The following LAMA3 variants were observed in gnomAD, a reference collection of about 807,000 sequenced individuals.
LAMA3 encodes the protein laminin subunit alpha 3, also known as laminin subunit alpha-3.
LAMA3 carries 281 observed loss-of-function variants against 402.0 expected under a neutral mutation model. The observed-to-expected ratio is 0.70, with a 90% CI of 0.63 to 0.77. The LOEUF is 0.77. LAMA3 is among the 30% of genes least tolerant of loss of function. LAMA3 has a pLI of 0.00. For synonymous variants in LAMA3, 1,431 were observed against 1,558.4 expected (o/e 0.92, Z 1.93); for missense variants, 3,840 against 4,215.5 (o/e 0.91, Z 2.47).
chr18:23,863,542 G>A (rs1005447302), intron 35 of LAMA3, among the ~76,000 whole-genome samples: 2 of 152,194 alleles, frequency 1.3e-5, no homozygotes, highest in Non-Finnish European at 2.9e-5. Context: ...ACCACTTTAA[G>A]CCCATCAAAA....
In LAMA3 at chr18:23,713,952, C is replaced by T; in HGVS notation, c.327C>T (p.Asp109=). 1 of 1,613,396 alleles carries T rather than the reference C, an allele frequency of 6.2e-7. No homozygotes were observed. The highest frequency in any genetic ancestry group is 8.5e-7 in the Non-Finnish European group (1 of 1,179,866). The change falls in exon 2 of 75, where the codon GAC becomes GAT. Residue 109 remains aspartate, a synonymous_variant. Coordinates refer to ENST00000313654, the MANE Select transcript of LAMA3 (RefSeq NM_198129.4). ...TCTGTGACTATTGCAATTCTGAAGA[C>T]CCCAGGAAAGCACATCCTGTCACCA... ...GQFCDYCNSE[D]PRKAHPVTNA...
At chr18:23,748,126 T>C in intron 3 of LAMA3, 66 bp downstream of exon 3, 1 of 996,206 alleles carries the variant, frequency 1.0e-6, no homozygotes, top group Non-Finnish European at 1.6e-6. Flanking sequence ...AGACTATGGA[T>C]TTAATTAGAA....
intron 55 of LAMA3, 21 bp downstream of exon 55, chr18:23,909,316 T>G: frequency 6.2e-7 from 1 of 1,607,592 alleles, no homozygotes; most frequent in Non-Finnish European, 8.5e-7. Flanking sequence ...CCCCACGTGG[T>G]CAGTGGCCAA....
intron 5 of LAMA3, among the ~76,000 whole-genome samples, chr18:23,751,798 C>T (rs1048435338): frequency 2.6e-5 from 4 of 152,180 alleles, no homozygotes; most frequent in African/African-American, 9.7e-5. Flanking sequence ...CTCCTGGGCA[C>T]AGAGGGAGCC....
chr18:23,700,608 G>T (rs1243148410), intron 1 of LAMA3, among the ~76,000 whole-genome samples: 1 of 152,152 alleles, frequency 6.6e-6, no homozygotes, highest in African/African-American at 2.4e-5. Context: ...GTAAAATGGG[G>T]ACACCATACA....
chr18:23,756,567 T>G (rs186046005), intron 6 of LAMA3, among the ~76,000 whole-genome samples: 2 of 152,116 alleles, frequency 1.3e-5, no homozygotes, highest in East Asian at 1.9e-4. Context: ...TGGTTTAGAT[T>G]TAGTCTCTGC....
At chr18:23,884,981 CTT>C in intron 41 of LAMA3, 128 bp downstream of exon 41, 2 of 620,864 alleles carry the variant, frequency 3.2e-6, no homozygotes, top group South Asian at 4.1e-5. Flanking sequence ...AAAAAGGTCT[CTT>C]GGGAAAAATA....
At chr18:23,904,109 C>A in intron 50 of LAMA3, 22 bp downstream of exon 50, 1 of 1,612,646 alleles carries the variant, frequency 6.2e-7, no homozygotes, top group Non-Finnish European at 8.5e-7. Context: ...GCCCAGGAGA[C>A]CAGAAGGGCA....
In LAMA3 at chr18:23,842,642, G is replaced by A. The variant is rs893427709; in HGVS notation, c.3495G>A (p.Val1165=). ...TCCATGCCTCTTTTTGCCCCCATGT[G>A]CTTGGCTGCCGGGATCAAGTGATTG... ...GSFHASFCPH[V]LGCRDQVIAE... is the part of the protein sequence containing the mutation. The change falls in exon 29 of 75, where the codon GTG becomes GTA. Residue 1165 remains valine (V), a synonymous_variant. Transcript: ENST00000313654. 2 of 1,614,026 alleles carry A rather than the reference G, an allele frequency of 1.2e-6. No homozygotes were observed. The highest frequency in any genetic ancestry group is 1.3e-5 in the African/African-American group (1 of 74,922).
intron 37 of LAMA3, 41 bp downstream of exon 37, chr18:23,867,958 T>C: frequency 6.9e-7 from 1 of 1,440,480 alleles, no homozygotes; most frequent in South Asian, 1.1e-5. Flanking sequence ...TTCTGTTTTG[T>C]GACTTAATTA....
chr18:23,946,854 A>C (rs981676759), intron 70 of LAMA3: 1 of 157,448 alleles, frequency 6.4e-6, no homozygotes, highest in Admixed American at 6.1e-5. Context: ...AGTGTGACCT[A>C]TGTGTTCTTT....
chr18:23,743,301 C>A (rs368919225), intron 2 of LAMA3, among the ~76,000 whole-genome samples: 6 of 152,286 alleles, frequency 3.9e-5, no homozygotes, highest in South Asian at 2.1e-4. Context: ...ATATCCCCCC[C>A]AGGGGAGTTG....
chr18:23,697,695 T>C (rs1461826256), intron 1 of LAMA3, among the ~76,000 whole-genome samples: 1 of 139,020 alleles, frequency 7.2e-6, no homozygotes, highest in Non-Finnish European at 1.6e-5. Flanking sequence ...AATATTCCAA[T>C]ACCCGCCCCC....
At chr18:23,940,188 C>T (rs538068923) in intron 68 of LAMA3, among the ~76,000 whole-genome samples, 16 of 152,188 alleles carry the variant, frequency 1.1e-4, no homozygotes, top group Admixed American at 2.6e-4. Flanking sequence ...AGGGAGAGCC[C>T]GCAGATGGCT....
chr18:23,888,366 G>A (rs775639451), intron 41 of LAMA3, among the ~76,000 whole-genome samples: 2 of 152,118 alleles, frequency 1.3e-5, no homozygotes, highest in African/African-American at 2.4e-5. Context: ...CAGATATTAC[G>A]CTAGATTCTT....
rs144549206 is a variant in LAMA3, at chr18:23,928,227, C to T, written c.8282C>T (p.Ser2761Leu). 208 of 1,604,412 alleles carry T rather than the reference C, an allele frequency of 1.3e-4. No individual in the cohort carries two copies. Among genetic ancestry groups the T allele is most frequent in the Middle Eastern group, 1.7e-4 (1 of 6,046 alleles). Residue 2761 changes from serine to leucine, a missense_variant, in exon 63 of 75, where the codon TCG becomes TTG. Coordinates refer to ENST00000313654, the MANE Select transcript of LAMA3 (RefSeq NM_198129.4). The part of the protein sequence containing the change: ...NDTVGVTKKC[S>L]EDWKLVRSAS... Reference sequence around the variant, plus strand: ...ACTGTGGGAGTAACCAAAAAGTGCTCGGAAGACTGGAAGGTAAGTGAAAGT... The same window carrying T: ...ACTGTGGGAGTAACCAAAAAGTGCTTGGAAGACTGGAAGGTAAGTGAAAGT...
chr18:23,910,995 G>A (rs2081406534), intron 55 of LAMA3, among the ~76,000 whole-genome samples: 1 of 152,160 alleles, frequency 6.6e-6, no homozygotes, highest in African/African-American at 2.4e-5. Flanking sequence ...AGGGAGAGGG[G>A]AACGGGTGCC....
At chr18:23,850,955 C>A (rs751957873) in intron 32 of LAMA3, among the ~76,000 whole-genome samples, 2 of 152,234 alleles carry the variant, frequency 1.3e-5, no homozygotes, top group Non-Finnish European at 2.9e-5. Context: ...GTACCTCATG[C>A]CTTTTCAGAA....
At position 23,915,278 on chromosome 18, in the gene LAMA3, T is replaced by C. The variant is rs1190431299; in HGVS notation, c.7645-11T>C. The C allele has an allele frequency of 6.2e-7, 1 of 1,612,852 alleles. No individual in the cohort carries two copies. Among genetic ancestry groups the C allele is most frequent in the East Asian group, 2.2e-5 (1 of 44,872 alleles). On this transcript the variant is annotated splice_polypyrimidine_tract_variant and intron_variant, in intron 58 of 74. Transcript: ENST00000313654. ...GTTCAATTGGTGGAAGATGTTTTAT[T>C]TCATTTTCAGCTTCCCAGTCGACTA...
Sources: allele counts gnomAD v4.1 joint callset (sites outside exome capture counted in the v4.1 genomes callset), GRCh38; gene constraint gnomAD v4.1.1; transcripts MANE v1.5; gene names NCBI Gene and HGNC (gene_info 2026-07-23, HGNC 2026-07-21).